Variants in NEK2 observed in about 807,000 individuals in gnomAD.
NEK2 encodes NIMA related kinase 2.
A neutral mutation model predicts 54.1 loss-of-function variants in NEK2; 28 were observed. The ratio of observed to expected loss-of-function variants is 0.52; its 90% CI spans 0.38 to 0.71. The LOEUF (loss-of-function observed/expected upper bound fraction) is 0.71, where lower values mean the gene tolerates loss of function less well. Among genes scored for constraint, NEK2 ranks in the 30% least tolerant of loss-of-function variants. NEK2 has a pLI of 0.00. For synonymous variants in NEK2, 176 were observed against 193.1 expected, an observed-to-expected ratio of 0.91 and a Z score of 0.73; for missense variants, 407 against 531.5, an observed-to-expected ratio of 0.77 and a Z score of 2.30.
chr1:211,673,575 C>T lies in NEK2; in HGVS notation c.463G>A (p.Val155Ile), dbSNP rs1411448957. The change falls in exon 3 of 8, where the codon GTC (valine) becomes ATC (isoleucine). Residue 155 changes from valine (V) to isoleucine (I), a missense_variant. Transcript: ENST00000366999. ...ANVFLDGKQN[V>I]KLGDFGLARI... is the part of the protein sequence containing the mutation. Reference sequence around the variant, plus strand: ...GCTAGCCCAAAGTCTCCAAGCTTGACGTTTTGCTTGCCATCCAGGAAAACA... The same window carrying T: ...GCTAGCCCAAAGTCTCCAAGCTTGATGTTTTGCTTGCCATCCAGGAAAACA... 9 of 1,614,012 alleles carry T rather than the reference C, an allele frequency of 5.6e-6. No individual in the cohort carries two copies. The highest frequency in any genetic ancestry group is 2.7e-5 in the African/African-American group (2 of 74,924).
At position 211,674,408 on chromosome 1, in the gene NEK2, C is replaced by T. The variant is rs1655509950; in HGVS notation, c.202G>A (p.Val68Ile). 1.9e-6 allele frequency: 3 copies of T among 1,613,934 alleles called. No individual in the cohort carries two copies. Among genetic ancestry groups the T allele is most frequent in the East Asian group, 4.5e-5 (2 of 44,866 alleles). ...TCAATAATCCGATCATAGTAACGAA[C>T]GATGTTTGGATGTTTCAGTTCACGA... ...LLRELKHPNI[V>I]RYYDRIIDRT... The change falls in exon 2 of 8, where the codon GTT (valine) becomes ATT (isoleucine). Residue 68 changes from valine (V) to isoleucine (I), a missense_variant. Transcript: ENST00000366999.
Position 211,669,176 on chromosome 1 carries a change from G to T in NEK2, c.922C>A (p.Leu308Met). 2 of 1,613,930 alleles carry T rather than the reference G, an allele frequency of 1.2e-6. No individual in the cohort carries two copies. Among genetic ancestry groups the T allele is most frequent in the Non-Finnish European group, 1.7e-6 (2 of 1,179,870 alleles). The change falls in exon 6 of 8, where the codon CTG (leucine) becomes ATG (methionine). Residue 308 changes from leucine to methionine, a missense_variant. By Grantham distance (15) the Leu-to-Met change is conservative (BLOSUM62 2). Coordinates refer to ENST00000366999, the MANE Select transcript of NEK2 (RefSeq NM_002497.4). ...DSSPVLSELK[L>M]KEIQLQERER... Reference sequence around the variant, plus strand: ...CGCTCCTGTAACTGAATTTCCTTCAGTTTCAGCTCACTCAATACAGGGCTG... The same window carrying T: ...CGCTCCTGTAACTGAATTTCCTTCATTTTCAGCTCACTCAATACAGGGCTG...
At position 211,675,415 on chromosome 1, in the gene NEK2, C is replaced by T; in HGVS notation, c.65G>A (p.Cys22Tyr). 1 of 1,613,888 alleles carries T rather than the reference C, an allele frequency of 6.2e-7. No homozygotes were observed. The highest frequency in any genetic ancestry group is 1.1e-5 in the South Asian group (1 of 91,068). Reference sequence around the variant, plus strand: ...ATCACTCTTCCTCCGGATCTTCTGGCAGCGGCCGTAGGAGCCTGTGCCAAT... The same window carrying T: ...ATCACTCTTCCTCCGGATCTTCTGGTAGCGGCCGTAGGAGCCTGTGCCAAT... ...YTIGTGSYGR[C>Y]QKIRRKSDGK... The change falls in exon 1 of 8, where the codon TGC (cysteine) becomes TAC (tyrosine). Residue 22 changes from cysteine to tyrosine, a missense_variant. By Grantham distance (194) the Cys-to-Tyr change is radical. Transcript: ENST00000366999.
At chr1:211,674,599 C>T (rs2102448352) in intron 1 of NEK2, 86 bp from the exon 2 acceptor site, 2 of 952,410 alleles carry the variant, frequency 2.1e-6, no homozygotes, top group South Asian at 1.7e-5. Flanking sequence ...AAATTACCTC[C>T]CTTTTAATTA....
At chr1:211,670,527 C>T in intron 4 of NEK2, 120 bp from the exon 5 acceptor site, 3 of 1,166,004 alleles carry the variant, frequency 2.6e-6, no homozygotes, top group Non-Finnish European at 3.6e-6. Context: ...TAAGTTTCTA[C>T]TTCTGGGATT....
chr1:211,669,368 C>T (rs1655290186), intron 5 of NEK2, 36 bp from the exon 6 acceptor site: 1 of 1,567,516 alleles, frequency 6.4e-7, no homozygotes, highest in African/African-American at 1.4e-5. Context: ...AGTCAGATTG[C>T]ATAACAGAAT....
At chr1:211,670,496 G>C in intron 4 of NEK2, 89 bp from the exon 5 acceptor site, 1 of 1,378,472 alleles carries the variant, frequency 7.3e-7, no homozygotes, top group Admixed American at 2.2e-5. Context: ...CAAAAGCACA[G>C]CTTAAGCTCC....
intron 4 of NEK2, among the ~76,000 whole-genome samples, chr1:211,670,950 G>A (rs1655359117): frequency 1.3e-5 from 2 of 152,162 alleles, no homozygotes; most frequent in Non-Finnish European, 2.9e-5. Flanking sequence ...TGAGCTAAGT[G>A]TCAATCTAAT....
chr1:211,675,320 G>C, intron 1 of NEK2, 64 bp downstream of exon 1: 3 of 1,470,470 alleles, frequency 2.0e-6, no homozygotes, highest in Non-Finnish European at 2.8e-6. Flanking sequence ...CGGTGGCGCA[G>C]GGCGCTCGCC....
At position 211,670,393 on chromosome 1, in the gene NEK2, G is replaced by C. The variant is rs377538977; in HGVS notation, c.653C>G (p.Ala218Gly). 6.2e-7 allele frequency: 1 copy of C among 1,613,172 alleles called. No individual in the cohort carries two copies. The part of the protein sequence containing the change: ...ELCALMPPFT[A>G]FSQKELAGKI... ...CCCAGCGAGTTCTTTCTGGCTAAAAGCTGTAAATGGAGGCCTAGGGTTAAA... is the reference window on the plus strand; with the variant it reads ...CCCAGCGAGTTCTTTCTGGCTAAAACCTGTAAATGGAGGCCTAGGGTTAAA... Residue 218 changes from alanine (A) to glycine (G), a missense_variant, in exon 5 of 8, where the codon GCT becomes GGT. Ala to Gly is a moderately conservative substitution (Grantham distance 60). Transcript: ENST00000366999.
chr1:211,668,091 T>C (rs1050228606), intron 6 of NEK2, among the ~76,000 whole-genome samples: 3 of 152,106 alleles, frequency 2.0e-5, no homozygotes, highest in Non-Finnish European at 4.4e-5. Context: ...GGGAAAGTTA[T>C]AAGAAAAAGC....
At position 211,667,099 on chromosome 1, in the gene NEK2, C is replaced by G; in HGVS notation, c.1111+7G>C. Reference sequence around the variant, plus strand: ...CCAGCTTCTGTTGACCAAGTTGATTCTCATACCTGGATTACTTGCCAGAGA... The same window carrying G: ...CCAGCTTCTGTTGACCAAGTTGATTGTCATACCTGGATTACTTGCCAGAGA... On this transcript the variant is annotated splice_region_variant and intron_variant, in intron 7 of 7. Coordinates refer to ENST00000366999, the MANE Select transcript of NEK2 (RefSeq NM_002497.4). 6.2e-7 allele frequency: 1 copy of G among 1,613,530 alleles called. No homozygotes were observed. Among genetic ancestry groups the G allele is most frequent in the Non-Finnish European group, 8.5e-7 (1 of 1,179,910 alleles).
rs1558229530 is a variant in NEK2, at chr1:211,671,191, A to G, written c.638+11T>C. The G allele has an allele frequency of 1.2e-6, 2 of 1,601,716 alleles. No individual in the cohort carries two copies. Among genetic ancestry groups the G allele is most frequent in the Non-Finnish European group, 1.7e-6 (2 of 1,169,258 alleles). ...AACCTTAGACTAGGAATCTGTCTTCATCATACTTACATTAATGCACATAAC... is the reference window on the plus strand; with the variant it reads ...AACCTTAGACTAGGAATCTGTCTTCGTCATACTTACATTAATGCACATAAC... On this transcript the variant is annotated intron_variant, in intron 4 of 7. Coordinates refer to ENST00000366999, the MANE Select transcript of NEK2 (RefSeq NM_002497.4).
At chr1:211,660,265 A>G (rs1332057328), downstream of NEK2, 2 of 423,718 alleles carry the variant, frequency 4.7e-6, no homozygotes, top group Admixed American at 6.3e-5. Context: ...ATACTGTTCA[A>G]TGAGACCCAT....
rs375580271 is a variant in NEK2 at position 211,667,275 on chromosome 1, C to A, written c.986-44G>T. 135 of 1,553,220 alleles carry A rather than the reference C, an allele frequency of 8.7e-5. 1 individual carries two copies. The highest frequency in any genetic ancestry group is 1.1e-4 in the Non-Finnish European group (128 of 1,150,664). On this transcript the variant is annotated intron_variant, in intron 6 of 7. Coordinates refer to ENST00000366999, the MANE Select transcript of NEK2 (RefSeq NM_002497.4). ...CAAAGAAAAAAAAATTAACAACTGA[C>A]CTTGACTAAAAAACAATTTACATTT...
At chr1:211,667,519 CA>C (rs1174382403) in intron 6 of NEK2, among the ~76,000 whole-genome samples, 1 of 152,062 alleles carries the variant, frequency 6.6e-6, no homozygotes, top group Non-Finnish European at 1.5e-5. Flanking sequence ...TTTGGGAAAA[CA>C]AAAAACTAAA....
At chr1:211,664,182 G>T (rs1405346358) in intron 7 of NEK2, among the ~76,000 whole-genome samples, 1 of 151,410 alleles carries the variant, frequency 6.6e-6, no homozygotes, top group Non-Finnish European at 1.5e-5. Context: ...AACAAATTCA[G>T]TGTGGAAAAG....
At chr1:211,660,555 C>T (rs373146728), downstream of NEK2, 38 of 633,428 alleles carry the variant, frequency 6.0e-5, 1 homozygote, top group Admixed American at 4.4e-4. Flanking sequence ...ACTCTCCCAT[C>T]TCCAGCAGGA....
chr1:211,663,593 TACTTTCCCCACTGAAATGA>T lies in NEK2; in HGVS notation c.1152_1170del (p.His385LysfsTer5). The T allele has an allele frequency of 6.2e-7, 1 of 1,613,868 alleles. No individual in the cohort carries two copies. The highest frequency in any genetic ancestry group is 8.5e-7 in the Non-Finnish European group (1 of 1,179,842). ...TTCTCACTCCTCATGATGTTCTCTT[TACTTTCCCCACTGAAATGA>T]ACTTTCTTCTTAATTACTGAGGATG... On this transcript the variant is annotated frameshift_variant, in exon 8 of 8. Coordinates refer to ENST00000366999, the MANE Select transcript of NEK2 (RefSeq NM_002497.4). LOFTEE classifies it high-confidence loss of function.
Sources: gnomAD v4.1 joint callset for allele counts (sites outside exome capture counted in the v4.1 genomes callset) on GRCh38, gnomAD v4.1.1 for gene constraint, MANE v1.5 for transcripts, NCBI Gene and HGNC (gene_info 2026-07-23, HGNC 2026-07-21) for gene names.